The following CCDC190 variants were observed in gnomAD, a reference collection of about 807,000 sequenced individuals.
CCDC190 encodes coiled-coil domain-containing protein 190.
In CCDC190, 10 loss-of-function variants were observed where a neutral mutation model predicts 13.1. That is an observed-to-expected ratio of 0.77 (90% CI 0.47 to 1.30). The LOEUF is 1.30. Ranked by LOEUF, CCDC190 falls within the 50% of genes most tolerant of loss-of-function variation. CCDC190 has a pLI of 0.00. For synonymous variants in CCDC190, 136 were observed against 127.2 expected (o/e 1.07, Z -0.47); for missense variants, 375 against 354.3 (o/e 1.06, Z -0.47).
chr1:162,855,065 C>A lies in CCDC190; in HGVS notation c.606G>T (p.Met202Ile). Residue 202 changes from methionine (M) to isoleucine (I), a missense_variant, in exon 4 of 4, where the codon ATG becomes ATT. Met to Ile is a conservative substitution (Grantham distance 10, BLOSUM62 1). Transcript: ENST00000367912. ...TTGATCTGGTCTCATCAGCACATGC[C>A]ATTCCACTATCACTAGCTGGGCTGG... ...PSSSPASDSG[M>I]ACADETRSKD... 1 of 1,614,040 alleles carries A rather than the reference C, an allele frequency of 6.2e-7. No homozygotes were observed. Among genetic ancestry groups the A allele is most frequent in the Non-Finnish European group, 8.5e-7 (1 of 1,179,900 alleles).
rs1558108865 is a variant in CCDC190 at position 162,852,035 on chromosome 1, G to T, written c.*2730C>A. The T allele has an allele frequency of 6.6e-6, 1 of 152,164 alleles. No homozygotes were observed. Among genetic ancestry groups the T allele is most frequent in the Non-Finnish European group, 1.5e-5 (1 of 68,022 alleles). The allele number at this position is 152,164 out of a possible 1,614,324, so 9.4% of individuals were successfully genotyped here. ...CCTCAATTTCTTTATCTGTAAAATGGCAGCAAGTATCTCCCTGATTTTCTG... is the reference window on the plus strand; with the variant it reads ...CCTCAATTTCTTTATCTGTAAAATGTCAGCAAGTATCTCCCTGATTTTCTG... On this transcript the variant is annotated 3_prime_UTR_variant, in exon 4 of 4. Coordinates refer to ENST00000367912, the MANE Select transcript of CCDC190 (RefSeq NM_001394065.1).
chr1:162,860,829 T>C (rs1650484432), intron 1 of CCDC190, among the ~76,000 whole-genome samples, 179 bp downstream of exon 1: 1 of 152,104 alleles, frequency 6.6e-6, no homozygotes, highest in Admixed American at 6.5e-5. Context: ...AGTGCTGGGA[T>C]TACAGGCATG....
chr1:162,860,867 G>T, intron 1 of CCDC190, 141 bp downstream of exon 1: 1 of 249,156 alleles, frequency 4.0e-6, no homozygotes, highest in Non-Finnish European at 6.4e-6. Flanking sequence ...GAGGTTTGGT[G>T]ATTATAATAC....
At chr1:162,859,794 ATTG>A in intron 1 of CCDC190, 136 bp from the exon 2 acceptor site, 1 of 657,592 alleles carries the variant, frequency 1.5e-6, no homozygotes, top group South Asian at 2.2e-5. Flanking sequence ...AAATCACACT[ATTG>A]TTAAATGAGT....
At chr1:162,867,304 C>T (rs985566052) in intron 1 of CCDC190, among the ~76,000 whole-genome samples, 3 of 151,854 alleles carry the variant, frequency 2.0e-5, no homozygotes, top group Admixed American at 6.6e-5. Flanking sequence ...AATAGACAAT[C>T]CAAAAGAATA....
chr1:162,858,748 A>G lies in CCDC190; in HGVS notation c.187+712T>C, dbSNP rs913432673. On this transcript the variant is annotated intron_variant, in intron 2 of 3. Transcript: ENST00000367912. The stretch of plus-strand genomic sequence containing the variant: ...GTAATATTAAAATCTAATTATTTTA[A>G]TGATGAACAAAGGAGAACTAGTTTC... 2.6e-5 allele frequency among the ~76,000 whole-genome samples: 4 copies of G among 152,340 alleles called. No individual in the cohort carries two copies. In the East Asian group the frequency reaches 7.7e-4, roughly 29 times the overall value.
Position 162,854,720 on chromosome 1 carries a change from C to T in CCDC190, c.*45G>A. The T allele has an allele frequency of 6.5e-7, 1 of 1,539,348 alleles. No individual in the cohort carries two copies. ...ATATAGTCATTTGAGGAACACATTT[C>T]CTTAGCAATAATGGCATATGTTATT... On this transcript the variant is annotated 3_prime_UTR_variant, in exon 4 of 4. Coordinates refer to ENST00000367912, the MANE Select transcript of CCDC190 (RefSeq NM_001394065.1).
At chr1:162,857,248 C>T (rs1326532309) in intron 2 of CCDC190, among the ~76,000 whole-genome samples, 1 of 152,164 alleles carries the variant, frequency 6.6e-6, no homozygotes, top group African/African-American at 2.4e-5. Flanking sequence ...GAAACCATGG[C>T]CTGAACTTTG....
chr1:162,860,845 C>T (rs934909092), intron 1 of CCDC190, among the ~76,000 whole-genome samples, 163 bp downstream of exon 1: 1 of 152,132 alleles, frequency 6.6e-6, no homozygotes, highest in East Asian at 1.9e-4. Flanking sequence ...GCATGAGCCA[C>T]CACACTCGGC....
In CCDC190 at chr1:162,855,129, T is replaced by C; in HGVS notation, c.542A>G (p.Gln181Arg). The change falls in exon 4 of 4, where the codon CAA (glutamine) becomes CGA (arginine). Residue 181 changes from glutamine to arginine, a missense_variant. Coordinates refer to ENST00000367912, the MANE Select transcript of CCDC190 (RefSeq NM_001394065.1). The part of the protein sequence containing the change: ...SKGISVPCQN[Q>R]EVSTNTIEQG... ...TTCTATGGTGTTGGTGGAAACCTCT[T>C]GATTTTGGCATGGAACAGAGATGCC... 1 of 1,613,944 alleles carries C rather than the reference T, an allele frequency of 6.2e-7. No homozygotes were observed. Among genetic ancestry groups the C allele is most frequent in the Non-Finnish European group, 8.5e-7 (1 of 1,179,848 alleles).
At chr1:162,863,577 T>C (rs1650597468), upstream of CCDC190, among the ~76,000 whole-genome samples, 1 of 152,194 alleles carries the variant, frequency 6.6e-6, no homozygotes, top group Non-Finnish European at 1.5e-5. Context: ...GAATCATTAT[T>C]ATTGCTACAG....
chr1:162,860,770 G>A (rs1421669216), intron 1 of CCDC190, among the ~76,000 whole-genome samples: 5 of 152,122 alleles, frequency 3.3e-5, no homozygotes, highest in Admixed American at 3.3e-4. Flanking sequence ...TATTGGCCAG[G>A]CTAGTCTCAA....
intron 2 of CCDC190, among the ~76,000 whole-genome samples, chr1:162,858,690 C>G (rs1292589941): frequency 2.0e-5 from 3 of 152,178 alleles, no homozygotes; most frequent in African/African-American, 7.2e-5. Flanking sequence ...TCTTCAAGAG[C>G]TGAGATATTT....
Position 162,859,750 on chromosome 1 carries a change from T to C in CCDC190, c.-12-92A>G, listed in dbSNP as rs866215372. ...AATCAGAGATCAGTGGTAGAACCTG[T>C]GTATTTCTGAAACCACAGGTGCCTA... On this transcript the variant is annotated intron_variant, in intron 1 of 3. Transcript: ENST00000367912. The C allele has an allele frequency of 1.2e-5, 13 of 1,047,898 alleles. No individual in the cohort carries two copies. The Middle Eastern group carries it at 1.9e-3, about 155-fold the overall frequency. 64.9% of individuals were successfully genotyped at this position (1,047,898 alleles called of 1,614,324 possible).
At chr1:162,865,450 G>C (rs1025810559), upstream of CCDC190, among the ~76,000 whole-genome samples, 1 of 152,092 alleles carries the variant, frequency 6.6e-6, no homozygotes, top group Non-Finnish European at 1.5e-5. Context: ...TTCTTTTCCA[G>C]TGCACAAGGA....
intron 1 of CCDC190, among the ~76,000 whole-genome samples, chr1:162,860,768 A>G (rs138092989): frequency 0.012 from 1,876 of 152,218 alleles, 49 homozygotes; most frequent in African/African-American, 0.043. Flanking sequence ...CATATTGGCC[A>G]GGCTAGTCTC....
upstream of CCDC190, among the ~76,000 whole-genome samples, chr1:162,862,513 G>C (rs969015890): frequency 6.6e-6 from 1 of 152,160 alleles, no homozygotes; most frequent in Non-Finnish European, 1.5e-5. Flanking sequence ...TCATCTGGAG[G>C]GGAAATAGAA....
At position 162,855,133 on chromosome 1, in the gene CCDC190, T is replaced by C. The variant is rs1355657403; in HGVS notation, c.538A>G (p.Asn180Asp). 1.2e-6 allele frequency: 2 copies of C among 1,613,924 alleles called. No homozygotes were observed. The highest frequency in any genetic ancestry group is 2.2e-5 in the South Asian group (2 of 91,082). Reference sequence around the variant, plus strand: ...ATGGTGTTGGTGGAAACCTCTTGATTTTGGCATGGAACAGAGATGCCCTTG... The same window carrying C: ...ATGGTGTTGGTGGAAACCTCTTGATCTTGGCATGGAACAGAGATGCCCTTG... ...PSKGISVPCQ[N>D]QEVSTNTIEQ... is the part of the protein sequence containing the mutation. The change falls in exon 4 of 4, where the codon AAT becomes GAT. Residue 180 changes from asparagine to aspartate, a missense_variant. By Grantham distance (23) the Asn-to-Asp change is conservative. Coordinates refer to ENST00000367912, the MANE Select transcript of CCDC190 (RefSeq NM_001394065.1).
chr1:162,864,578 C>T (rs1001805038), upstream of CCDC190, among the ~76,000 whole-genome samples: 3 of 151,952 alleles, frequency 2.0e-5, no homozygotes, highest in Non-Finnish European at 4.4e-5. Flanking sequence ...AACATGTAAA[C>T]AGCATGGGAA....
Sources: allele counts gnomAD v4.1 joint callset (sites outside exome capture counted in the v4.1 genomes callset), GRCh38; gene constraint gnomAD v4.1.1; transcripts MANE v1.5; gene names NCBI Gene and HGNC (gene_info 2026-07-23, HGNC 2026-07-21).